Variants in ISOC2 observed in about 807,000 individuals in gnomAD.
The protein encoded by ISOC2 is isochorismatase domain-containing protein 2.
ISOC2 carries 15 observed loss-of-function variants against 19.3 expected under a neutral mutation model. That is an observed-to-expected ratio of 0.78 (90% CI 0.52 to 1.20). The LOEUF (loss-of-function observed/expected upper bound fraction) is 1.20. ISOC2 is among the 50% of genes most tolerant of loss of function. The pLI is 0.00. For synonymous variants in ISOC2, 106 were observed against 115.8 expected (o/e 0.92, Z 0.54); for missense variants, 285 against 272.4 (o/e 1.05, Z -0.33).
intron 1 of ISOC2, 51 bp from the exon 2 acceptor site, chr19:55,456,540 G>A (rs1986069210): frequency 2.9e-5 from 47 of 1,597,760 alleles, no homozygotes; most frequent in Middle Eastern, 1.7e-4. Flanking sequence ...TCCTCTCAGT[G>A]TCTCCAGCTG....
intron 5 of ISOC2, 35 bp downstream of exon 5, chr19:55,454,954 T>C (rs758449472): frequency 3.5e-6 from 5 of 1,438,442 alleles, no homozygotes; most frequent in Admixed American, 3.3e-5. Flanking sequence ...CTTTGACAGA[T>C]GCAGGGGAGG....
intron 5 of ISOC2, chr19:55,454,668 C>T (rs529030726): frequency 4.8e-5 from 18 of 372,508 alleles, no homozygotes; most frequent in Middle Eastern, 8.3e-4. Context: ...CCCCAGTGTC[C>T]GCCTGGTCAC....
chr19:55,453,484 G>A (rs1985939373), intron 5 of ISOC2, 96 bp from the exon 6 acceptor site: 1 of 846,090 alleles, frequency 1.2e-6, no homozygotes, highest in Admixed American at 3.6e-5. Context: ...TCATCTCTCG[G>A]ACCTTCTGGC....
At chr19:55,455,169 G>A (rs1467189955) in intron 4 of ISOC2, 63 bp from the exon 5 acceptor site, 118 of 1,569,720 alleles carry the variant, frequency 7.5e-5, no homozygotes, top group Middle Eastern at 2.0e-4. Flanking sequence ...ACCCAGACAC[G>A]CAGGCACCCT....
chr19:55,460,407 T>C (rs73606285), intron 1 of ISOC2, among the ~76,000 whole-genome samples: 6,193 of 152,282 alleles, frequency 0.041, 221 homozygotes, highest in African/African-American at 0.087. Flanking sequence ...CTCAGGCGGG[T>C]GAACCAGGCA....
chr19:55,455,454 A>G, intron 3 of ISOC2, 124 bp from the exon 4 acceptor site: 2 of 1,339,786 alleles, frequency 1.5e-6, no homozygotes, highest in Non-Finnish European at 2.1e-6. Context: ...GATCAGAGGA[A>G]GGGGCCCCCA....
Position 55,452,992 on chromosome 19 carries a change from A to C in ISOC2, c.*316T>G. 78 of 174,524 alleles carry C rather than the reference A, an allele frequency of 4.5e-4. No homozygotes were observed. Among genetic ancestry groups the C allele is most frequent in the Middle Eastern group, 2.3e-3 (1 of 440 alleles). The allele number at this position is 174,524 out of a possible 1,614,324, so 10.8% of individuals were successfully genotyped here. ...CCCAAGAATGGTTTGGTCCACAGCC[A>C]CATATATGTTTATTCTGCGAGTCCG... is the stretch of plus-strand genomic sequence containing the variant. On this transcript the variant is annotated 3_prime_UTR_variant, in exon 6 of 6. Transcript: ENST00000425675.
intron 1 of ISOC2, among the ~76,000 whole-genome samples, chr19:55,458,003 T>C (rs1230457348): frequency 6.6e-6 from 1 of 150,630 alleles, no homozygotes; most frequent in East Asian, 1.9e-4. Flanking sequence ...GCCACTCCAC[T>C]GCATTTTCAA....
chr19:55,455,067 C>CT lies in ISOC2; in HGVS notation c.458dup (p.Ser154GlufsTer112), dbSNP rs758821819. 1 of 1,601,224 alleles carries CT rather than the reference C, an allele frequency of 6.2e-7. No individual in the cohort carries two copies. The highest frequency in any genetic ancestry group is 8.5e-7 in the Non-Finnish European group (1 of 1,173,404). ...CGCTGGTGGAGAGGAAGGCACCACT[C>CT]TGTCTCATGCGGGCCAGAGCCACCA... On this transcript the variant is annotated frameshift_variant, in exon 5 of 6. Coordinates refer to ENST00000425675, the MANE Select transcript of ISOC2 (RefSeq NM_001136201.2). LOFTEE classifies it high-confidence loss of function.
chr19:55,461,306 C>A lies in ISOC2; in HGVS notation c.-4+206G>T, dbSNP rs545315153. Among the ~76,000 whole-genome samples the A allele has an allele frequency of 7.5e-4, 114 of 152,316 alleles. 1 individual carries two copies. Among genetic ancestry groups the A allele is most frequent in the African/African-American group, 2.7e-3 (114 of 41,574 alleles). On this transcript the variant is annotated intron_variant, in intron 1 of 5. Transcript: ENST00000425675. Reference sequence around the variant, plus strand: ...TCGGAGAAATGGGGATTAAACCTGCCCACCCCCCAGCGCTGTTACAGAGGC... The same window carrying A: ...TCGGAGAAATGGGGATTAAACCTGCACACCCCCCAGCGCTGTTACAGAGGC...
At position 55,455,269 on chromosome 19, in the gene ISOC2, G is replaced by A. The variant is rs1348291398; in HGVS notation, c.410C>T (p.Ser137Phe). The change falls in exon 4 of 6, where the codon TCC becomes TTC. Residue 137 changes from serine to phenylalanine, a missense_variant. Physicochemically the swap from Ser to Phe is radical, Grantham distance 155. Transcript: ENST00000425675. ...LQVHVVVDAC[S>F]SRSQVDRLVA... The stretch of plus-strand genomic sequence containing the variant: ...GCAGGGGCCCTCTCACCTGCGTGAG[G>A]AGCAGGCGTCCACCACCACATGGAC... The A allele has an allele frequency of 1.9e-6, 3 of 1,611,582 alleles. No homozygotes were observed. Among genetic ancestry groups the A allele is most frequent in the Non-Finnish European group, 2.5e-6 (3 of 1,178,716 alleles).
intron 5 of ISOC2, chr19:55,453,951 C>T (rs1164588560): frequency 3.3e-5 from 5 of 152,288 alleles, no homozygotes; most frequent in Non-Finnish European, 7.3e-5. Context: ...GACAGGTCTC[C>T]CTCCTCCCCT....
At chr19:55,454,001 G>C (rs1453528906) in intron 5 of ISOC2, 1 of 152,296 alleles carries the variant, frequency 6.6e-6, no homozygotes, top group African/African-American at 2.4e-5. Flanking sequence ...CACAGGGCCA[G>C]AAAGAACTTT....
Position 55,457,846 on chromosome 19 carries a change from A to AG in ISOC2, c.-3-1358_-3-1357insC, listed in dbSNP as rs1201661761. 6.0e-5 allele frequency among the ~76,000 whole-genome samples: 9 copies of AG among 150,968 alleles called. No homozygotes were observed. The South Asian group carries it at 6.3e-4, about 10-fold the overall frequency. On this transcript the variant is annotated intron_variant, in intron 1 of 5. Coordinates refer to ENST00000425675, the MANE Select transcript of ISOC2 (RefSeq NM_001136201.2). ...AACTCCATCTCAAAAAAAAAAAAAA[A>AG]AGAGAAAGAAAGCAGATGATTGGCT...
intron 1 of ISOC2, among the ~76,000 whole-genome samples, chr19:55,460,374 G>A (rs182665863): frequency 1.2e-4 from 18 of 152,296 alleles, no homozygotes; most frequent in Admixed American, 1.2e-3. Flanking sequence ...GCTATCTCTG[G>A]CAAACAAGCA....
At chr19:55,456,520 GC>G (rs1481444191) in intron 1 of ISOC2, 31 bp from the exon 2 acceptor site, 5 of 1,609,646 alleles carry the variant, frequency 3.1e-6, no homozygotes, top group Middle Eastern at 3.3e-4. Context: ...GGTGGGTCAG[GC>G]CCGAGGGCTC....
intron 1 of ISOC2, among the ~76,000 whole-genome samples, chr19:55,458,288 C>T (rs1986128466): frequency 6.6e-6 from 1 of 152,168 alleles, no homozygotes; most frequent in African/African-American, 2.4e-5. Flanking sequence ...ACGTCTTGGC[C>T]TACGTCCCTG....
rs1985915506 is a variant in ISOC2 at position 55,453,112 on chromosome 19, C to T, written c.*196G>A. ...GCCTCCATCTTGGCTCAGCCAATTCCCACCCAGTTTCCAGGAGTCTCATTT... is the reference window on the plus strand; with the variant it reads ...GCCTCCATCTTGGCTCAGCCAATTCTCACCCAGTTTCCAGGAGTCTCATTT... On this transcript the variant is annotated 3_prime_UTR_variant, in exon 6 of 6. Coordinates refer to ENST00000425675, the MANE Select transcript of ISOC2 (RefSeq NM_001136201.2). 3 of 523,686 alleles carry T rather than the reference C, an allele frequency of 5.7e-6. No homozygotes were observed. Among genetic ancestry groups the T allele is most frequent in the African/African-American group, 3.9e-5 (2 of 50,766 alleles). The allele number at this position is 523,686 out of a possible 1,614,324, so 32.4% of individuals were successfully genotyped here.
At position 55,453,225 on chromosome 19, in the gene ISOC2, T is replaced by G; in HGVS notation, c.*83A>C. 4 of 1,003,428 alleles carry G rather than the reference T, an allele frequency of 4.0e-6. No homozygotes were observed. Among genetic ancestry groups the G allele is most frequent in the Non-Finnish European group, 5.8e-6 (4 of 685,232 alleles). The allele number at this position is 1,003,428 out of a possible 1,614,324, so 62.2% of individuals were successfully genotyped here. A position where few individuals can be genotyped will look rare whatever the true frequency, so the allele number is the denominator to read the frequency against. On this transcript the variant is annotated 3_prime_UTR_variant, in exon 6 of 6. Transcript: ENST00000425675. ...CACTCCTGGTGGATCGCACCACTCT[T>G]GGGATCCAGGGATGGGGGGAACGGG... is the stretch of plus-strand genomic sequence containing the variant.
Sources: gnomAD v4.1 joint callset for allele counts (sites outside exome capture counted in the v4.1 genomes callset) on GRCh38, gnomAD v4.1.1 for gene constraint, MANE v1.5 for transcripts, NCBI Gene and HGNC (gene_info 2026-07-23, HGNC 2026-07-21) for gene names.